EGFR: variants seen among roughly 807,000 people sequenced by gnomAD.
EGFR encodes epidermal growth factor receptor, also known as avian erythroblastic leukemia viral (v-erb-b) oncogene homolog.
Under a neutral mutation model 143.0 loss-of-function variants are expected in EGFR, and 58 were observed. The ratio of observed to expected loss-of-function variants is 0.41; its 90% CI spans 0.33 to 0.50. The LOEUF (loss-of-function observed/expected upper bound fraction) is 0.50, where lower values mean the gene tolerates loss of function less well. Ranked by LOEUF, EGFR falls within the 20% of genes least tolerant of loss-of-function variation. The pLI is 0.39. For missense variants in EGFR, 1,307 were observed against 1,579.0 expected (o/e 0.83, Z 2.92); for synonymous variants, 613 against 594.4 (o/e 1.03, Z -0.45).
At chr7:55,165,513 C>A (rs2128946719) in intron 15 of EGFR, 76 bp downstream of exon 15, 1 of 1,542,488 alleles carries the variant, frequency 6.5e-7, no homozygotes, top group Non-Finnish European at 8.8e-7. Flanking sequence ...CCCAAGTTTT[C>A]CGGCAACAAA....
chr7:55,058,500 A>G (rs547573815), intron 1 of EGFR, among the ~76,000 whole-genome samples: 4 of 152,250 alleles, frequency 2.6e-5, no homozygotes, highest in Non-Finnish European at 5.9e-5. Context: ...AATGTGGTAC[A>G]TATATACCAC....
At chr7:55,083,811 CT>C (rs1790606282) in intron 1 of EGFR, among the ~76,000 whole-genome samples, 1 of 152,178 alleles carries the variant, frequency 6.6e-6, no homozygotes, top group African/African-American at 2.4e-5. Flanking sequence ...CCCATTGTCT[CT>C]GTTGATTACT....
At chr7:55,157,402 G>A (rs1232193211) in intron 10 of EGFR, among the ~76,000 whole-genome samples, 1 of 152,112 alleles carries the variant, frequency 6.6e-6, no homozygotes, top group African/African-American at 2.4e-5. Flanking sequence ...CGCAGCAGGG[G>A]TCTCAGGGCC....
At chr7:55,020,936 C>T (rs896379676) in intron 1 of EGFR, among the ~76,000 whole-genome samples, 1 of 151,404 alleles carries the variant, frequency 6.6e-6, no homozygotes, top group Non-Finnish European at 1.5e-5. Flanking sequence ...CGCCCCCAGA[C>T]ATTCTGATTT....
Position 55,205,682 on chromosome 7 carries a change from A to G in EGFR, c.*65A>G, listed in dbSNP as rs2128975809. The G allele has an allele frequency of 1.2e-6, 2 of 1,612,342 alleles. No homozygotes were observed. Among genetic ancestry groups the G allele is most frequent in the Non-Finnish European group, 1.7e-6 (2 of 1,179,214 alleles). ...TCGATACCCAGGACCAAGCCACAGC[A>G]GGTCCTCCATCCCAACAGCCATGCC... On this transcript the variant is annotated 3_prime_UTR_variant, in exon 28 of 28. Coordinates refer to ENST00000275493, the MANE Select transcript of EGFR (RefSeq NM_005228.5).
intron 1 of EGFR, among the ~76,000 whole-genome samples, chr7:55,064,939 G>A (rs573433551): frequency 3.3e-5 from 5 of 152,232 alleles, no homozygotes; most frequent in African/African-American, 1.2e-4. Context: ...TGGTCAAGGT[G>A]ACAACACTGC....
chr7:55,051,855 C>A (rs1788509624), intron 1 of EGFR, among the ~76,000 whole-genome samples: 1 of 152,218 alleles, frequency 6.6e-6, no homozygotes. Context: ...AGAGCTTTTG[C>A]AAAACCTTTT....
At position 55,205,749 on chromosome 7, in the gene EGFR, A is replaced by G; in HGVS notation, c.*132A>G. 1 of 1,422,750 alleles carries G rather than the reference A, an allele frequency of 7.0e-7. No individual in the cohort carries two copies. Among genetic ancestry groups the G allele is most frequent in the Non-Finnish European group, 9.8e-7 (1 of 1,022,072 alleles). The allele number at this position is 1,422,750 out of a possible 1,614,324, so 88.1% of individuals were successfully genotyped here. On this transcript the variant is annotated 3_prime_UTR_variant, in exon 28 of 28. Transcript: ENST00000275493. Reference sequence around the variant, plus strand: ...CCCACAGACTGGTTTTGCAACGTTTACACCGACTAGCCAGGAAGTACTTCC... The same window carrying G: ...CCCACAGACTGGTTTTGCAACGTTTGCACCGACTAGCCAGGAAGTACTTCC...
In EGFR at chr7:55,142,372, G is replaced by A. The variant is rs760228905; in HGVS notation, c.175G>A (p.Glu59Lys). 3.7e-6 allele frequency: 6 copies of A among 1,614,078 alleles called. No individual in the cohort carries two copies. The African/African-American group carries it at 6.7e-5, about 18-fold the overall frequency. Residue 59 changes from glutamate (E) to lysine (K), a missense_variant, in exon 2 of 28, where the codon GAG becomes AAG. Physicochemically the swap from Glu to Lys is moderately conservative, Grantham distance 56. Around this residue, in one of 7 missense-constraint regions of EGFR, gnomAD observed 311 missense variants for 412.3 expected, o/e 0.75. Coordinates refer to ENST00000275493, the MANE Select transcript of EGFR (RefSeq NM_005228.5). ...CCTCCAGAGGATGTTCAATAACTGTGAGGTGGTCCTTGGGAATTTGGAAAT... is the reference window on the plus strand; with the variant it reads ...CCTCCAGAGGATGTTCAATAACTGTAAGGTGGTCCTTGGGAATTTGGAAAT... The part of the protein sequence containing the change: ...LSLQRMFNNC[E>K]VVLGNLEITY...
intron 1 of EGFR, among the ~76,000 whole-genome samples, chr7:55,092,188 C>T (rs749252840): frequency 5.9e-5 from 9 of 152,216 alleles, no homozygotes; most frequent in Middle Eastern, 3.4e-3. Flanking sequence ...ACAGGCTCTG[C>T]GGCACAATAT....
At chr7:55,044,355 A>G (rs1788069295) in intron 1 of EGFR, among the ~76,000 whole-genome samples, 1 of 152,210 alleles carries the variant, frequency 6.6e-6, no homozygotes, top group Non-Finnish European at 1.5e-5. Context: ...CAGTAAATGT[A>G]TGCCTGTTTC....
intron 27 of EGFR, chr7:55,202,835 G>C (rs1787913108): frequency 1.4e-6 from 1 of 693,400 alleles, no homozygotes; most frequent in Non-Finnish European, 2.6e-6. Context: ...GTTGTTTGCT[G>C]TACCTCTGTT....
chr7:55,051,478 T>G (rs1320488329), intron 1 of EGFR, among the ~76,000 whole-genome samples: 3 of 148,116 alleles, frequency 2.0e-5, no homozygotes, highest in African/African-American at 7.3e-5. Flanking sequence ...GCTACCATGC[T>G]CTCTTGCTTT....
At chr7:55,070,631 G>A (rs893144203) in intron 1 of EGFR, among the ~76,000 whole-genome samples, 1 of 152,216 alleles carries the variant, frequency 6.6e-6, no homozygotes, top group African/African-American at 2.4e-5. Context: ...CAGATTAGAC[G>A]ACTGGGATGT....
At chr7:55,050,073 A>G (rs1221755090) in intron 1 of EGFR, among the ~76,000 whole-genome samples, 2 of 152,144 alleles carry the variant, frequency 1.3e-5, no homozygotes, top group African/African-American at 4.8e-5. Context: ...AATATTTTTA[A>G]TTGTGGCAAA....
At chr7:55,191,281 C>G (rs1787381088) in intron 20 of EGFR, among the ~76,000 whole-genome samples, 1 of 152,216 alleles carries the variant, frequency 6.6e-6, no homozygotes, top group African/African-American at 2.4e-5. Context: ...TCCAAGAAAG[C>G]ACAATGAGAG....
chr7:55,036,113 G>T (rs1265410665), intron 1 of EGFR, among the ~76,000 whole-genome samples: 1 of 152,000 alleles, frequency 6.6e-6, no homozygotes, highest in Non-Finnish European at 1.5e-5. Flanking sequence ...GAGGAGAAAT[G>T]GGATGAGGGA....
chr7:55,042,004 C>A (rs557063511), intron 1 of EGFR, among the ~76,000 whole-genome samples: 8 of 152,248 alleles, frequency 5.3e-5, no homozygotes, highest in African/African-American at 1.4e-4. Context: ...ACATATATTT[C>A]TTTCTCTGTA....
At chr7:55,154,257 G>A (rs1245997000) in intron 7 of EGFR, 105 bp downstream of exon 7, 6 of 1,565,432 alleles carry the variant, frequency 3.8e-6, no homozygotes, top group South Asian at 1.1e-5. Flanking sequence ...TTGGGTGGAT[G>A]TGTTTGCCTT....
Sources: allele counts gnomAD v4.1 joint callset (sites outside exome capture counted in the v4.1 genomes callset), GRCh38; gene constraint gnomAD v4.1.1; regional missense constraint gnomAD v4.1.1; transcripts MANE v1.5; gene names NCBI Gene and HGNC (gene_info 2026-07-23, HGNC 2026-07-21).